The following CDK14 variants were observed in gnomAD, a reference collection of about 807,000 sequenced individuals.
CDK14 encodes cyclin dependent kinase 14.
CDK14 carries 34 observed loss-of-function variants against 60.7 expected under a neutral mutation model. The ratio of observed to expected loss-of-function variants is 0.56; its 90% CI spans 0.43 to 0.75. The LOEUF (loss-of-function observed/expected upper bound fraction) is 0.75, where lower values mean the gene tolerates loss of function less well. Ranked by LOEUF, CDK14 falls within the 30% of genes least tolerant of loss-of-function variation. The pLI is 0.00. For missense variants in CDK14, 482 were observed against 564.1 expected (o/e 0.85, Z 1.47); for synonymous variants, 197 against 203.7 (o/e 0.97, Z 0.28).
chr7:90,895,349 T>TCCTCCCCTCC (rs1562817492), intron 6 of CDK14, among the ~76,000 whole-genome samples: 1 of 88,662 alleles, frequency 1.1e-5, no homozygotes, highest in Non-Finnish European at 2.3e-5. Flanking sequence ...TCCTCTCCTC[T>TCCTCCCCTCC]CCTCTCCTCA....
Position 90,815,647 on chromosome 7 carries a change from G to A in CDK14, c.544+24995G>A, listed in dbSNP as rs547867328. Among the ~76,000 whole-genome samples, 29 of 152,254 alleles carry A rather than the reference G, an allele frequency of 1.9e-4. No homozygotes were observed. The South Asian group carries it at 2.7e-3, about 14-fold the overall frequency. On this transcript the variant is annotated intron_variant, in intron 5 of 14. Transcript: ENST00000380050. ...GTTTATTGTGGCATTATTCACAATA[G>A]CAAAGACTTGGAACCAATCCAAATG...
chr7:91,066,227 T>G lies in CDK14; in HGVS notation c.1106-13205T>G, dbSNP rs963047706. ...GCATTTAGATGTACTCATTTTTATATTGATTTATAAACTAATGCTTGTTCC... is the reference window on the plus strand; with the variant it reads ...GCATTTAGATGTACTCATTTTTATAGTGATTTATAAACTAATGCTTGTTCC... On this transcript the variant is annotated intron_variant, in intron 11 of 14. Coordinates refer to ENST00000380050, the MANE Select transcript of CDK14 (RefSeq NM_001287135.2). Among the ~76,000 whole-genome samples, 4 of 152,210 alleles carry G rather than the reference T, an allele frequency of 2.6e-5. No homozygotes were observed. In the South Asian group the frequency reaches 8.3e-4, roughly 32 times the overall value.
chr7:91,107,890 AATG>A (rs757152911), intron 12 of CDK14: 3 of 152,212 alleles, frequency 2.0e-5, no homozygotes, highest in Non-Finnish European at 4.4e-5. Context: ...AGGCTTAGCG[AATG>A]ATAAGTCTAA....
At chr7:91,045,504 G>A (rs1797207174) in intron 10 of CDK14, among the ~76,000 whole-genome samples, 1 of 152,068 alleles carries the variant, frequency 6.6e-6, no homozygotes, top group Non-Finnish European at 1.5e-5. Flanking sequence ...AAGAATTGTT[G>A]GAACTGTTAA....
intron 5 of CDK14, among the ~76,000 whole-genome samples, chr7:90,829,371 C>T (rs1789834736): frequency 1.3e-5 from 2 of 152,064 alleles, no homozygotes; most frequent in Admixed American, 1.3e-4. Flanking sequence ...CAAGCAAGTC[C>T]CTTCTGAATA....
At chr7:91,201,164 A>G (rs941750575) in intron 14 of CDK14, among the ~76,000 whole-genome samples, 1 of 152,232 alleles carries the variant, frequency 6.6e-6, no homozygotes, top group African/African-American at 2.4e-5. Flanking sequence ...GCTAATACAT[A>G]AAGCTAAATT....
intron 14 of CDK14, among the ~76,000 whole-genome samples, chr7:91,153,993 A>G (rs1038735208): frequency 6.6e-6 from 1 of 152,196 alleles, no homozygotes; most frequent in African/African-American, 2.4e-5. Context: ...AACGTTTACT[A>G]TGGGAGGGAG....
intron 5 of CDK14, among the ~76,000 whole-genome samples, chr7:90,808,246 A>G (rs935317480): frequency 2.6e-5 from 4 of 152,258 alleles, no homozygotes; most frequent in African/African-American, 9.6e-5. Flanking sequence ...AGGGAAGCCC[A>G]TCAGACTAAC....
intron 14 of CDK14, among the ~76,000 whole-genome samples, chr7:91,122,356 CA>C (rs1799803504): frequency 6.6e-6 from 1 of 152,108 alleles, no homozygotes; most frequent in Admixed American, 6.5e-5. Flanking sequence ...GTTAGGTAAA[CA>C]GAGTAGAATG....
intron 14 of CDK14, among the ~76,000 whole-genome samples, chr7:91,166,044 C>T (rs755277813): frequency 6.6e-6 from 1 of 152,196 alleles, no homozygotes; most frequent in Non-Finnish European, 1.5e-5. Context: ...CTTCAAACTA[C>T]TACACCAAGC....
At chr7:90,927,286 G>A (rs1188778584) in intron 8 of CDK14, among the ~76,000 whole-genome samples, 2 of 152,076 alleles carry the variant, frequency 1.3e-5, no homozygotes, top group Non-Finnish European at 2.9e-5. Context: ...CTAGGGGCCT[G>A]TAGCCACCAG....
intron 11 of CDK14, among the ~76,000 whole-genome samples, chr7:91,049,230 T>A (rs1797324032): frequency 6.6e-6 from 1 of 152,194 alleles, no homozygotes; most frequent in Admixed American, 6.5e-5. Flanking sequence ...TGAAAACTTT[T>A]GCTTCTTTGA....
chr7:90,819,824 A>G (rs1018345555), intron 5 of CDK14, among the ~76,000 whole-genome samples: 8 of 152,200 alleles, frequency 5.3e-5, no homozygotes, highest in African/African-American at 1.4e-4. Context: ...TCAGGACTCA[A>G]TAAGTTAAGA....
chr7:90,806,167 T>C (rs142670272), intron 5 of CDK14, among the ~76,000 whole-genome samples: 72 of 152,308 alleles, frequency 4.7e-4, no homozygotes, highest in African/African-American at 1.4e-3. Context: ...GTGTAGGAGA[T>C]AAAAGTTAAA....
chr7:91,015,665 C>CT (rs1259719324), intron 10 of CDK14, among the ~76,000 whole-genome samples: 1 of 150,906 alleles, frequency 6.6e-6, no homozygotes, highest in African/African-American at 2.4e-5. Context: ...GTAACTGGGA[C>CT]TACAGGCACC....
At chr7:90,895,320 C>CCTCTT (rs1792261146) in intron 6 of CDK14, among the ~76,000 whole-genome samples, 1 of 66,928 alleles carries the variant, frequency 1.5e-5, no homozygotes, top group Non-Finnish European at 3.7e-5. Flanking sequence ...CCTCTTCTTT[C>CCTCTT]CTCTCCTTTC....
intron 8 of CDK14, among the ~76,000 whole-genome samples, chr7:90,934,890 C>G (rs1226613420): frequency 1.3e-5 from 2 of 152,140 alleles, no homozygotes; most frequent in Non-Finnish European, 2.9e-5. Flanking sequence ...TAGAATTATT[C>G]GGACTGCCAG....
intron 4 of CDK14, among the ~76,000 whole-genome samples, chr7:90,779,151 G>A (rs897671854): frequency 6.6e-6 from 1 of 152,058 alleles, no homozygotes; most frequent in African/African-American, 2.4e-5. Context: ...TACTCGGGAG[G>A]CTGAGGCAGG....
At position 90,946,122 on chromosome 7, in the gene CDK14, A is replaced by C. The variant is rs144424416; in HGVS notation, c.827-9575A>C. On this transcript the variant is annotated intron_variant, in intron 8 of 14. Coordinates refer to ENST00000380050, the MANE Select transcript of CDK14 (RefSeq NM_001287135.2). ...GGGCCTCAGTTTATTTTCTGTTTAAAAATAAATAAGAATATTATAGAAGAT... is the reference window on the plus strand; with the variant it reads ...GGGCCTCAGTTTATTTTCTGTTTAACAATAAATAAGAATATTATAGAAGAT... Among the ~76,000 whole-genome samples, 31 of 152,334 alleles carry C rather than the reference A, an allele frequency of 2.0e-4. No individual in the cohort carries two copies. The East Asian group carries it at 6.0e-3, about 29-fold the overall frequency.
Sources: gnomAD v4.1 joint callset for allele counts (sites outside exome capture counted in the v4.1 genomes callset) on GRCh38, gnomAD v4.1.1 for gene constraint, MANE v1.5 for transcripts, NCBI Gene and HGNC (gene_info 2026-07-23, HGNC 2026-07-21) for gene names.